MYH3: variants seen among roughly 807,000 people sequenced by gnomAD.
The protein encoded by MYH3 is myosin heavy chain 3.
In MYH3, 130 loss-of-function variants were observed where a neutral mutation model predicts 238.0. The ratio of observed to expected loss-of-function variants is 0.55; its 90% confidence interval spans 0.47 to 0.63. The LOEUF (loss-of-function observed/expected upper bound fraction) is 0.63, where lower values mean the gene tolerates loss of function less well. MYH3 is among the 30% of genes least tolerant of loss of function. MYH3 has a pLI of 0.00. For missense variants in MYH3, 1,853 were observed against 2,374.9 expected (o/e 0.78, Z 4.57); for synonymous variants, 880 against 924.1 (o/e 0.95, Z 0.86).
chr17:10,651,729 G>A (rs1597492901), intron 4 of MYH3, 61 bp from the exon 5 acceptor site: 1 of 1,559,700 alleles, frequency 6.4e-7, no homozygotes, highest in East Asian at 2.2e-5. Flanking sequence ...AAAACCCCTT[G>A]CCTTTATTAT....
chr17:10,652,397 C>A, intron 4 of MYH3, 23 bp downstream of exon 4: 1 of 1,613,380 alleles, frequency 6.2e-7, no homozygotes, highest in South Asian at 1.1e-5. Flanking sequence ...CCCAGGGAAA[C>A]CACGTCGAAA....
At chr17:10,632,377 C>T (rs1412322670) in intron 34 of MYH3, 99 bp downstream of exon 34, 2 of 1,388,460 alleles carry the variant, frequency 1.4e-6, no homozygotes, top group Non-Finnish European at 2.0e-6. Flanking sequence ...CCTCAGTCTC[C>T]CAGAGCGCTG....
the MYH3 span, among the ~76,000 whole-genome samples, chr17:10,664,063 A>T: frequency 5.7e-5 from 2 of 34,818 alleles, no homozygotes; most frequent in Non-Finnish European, 9.0e-5. Context: ...ACTCCGTCTT[A>T]AAAAAAAAAA....
Position 10,641,628 on chromosome 17 carries a change from C to G in MYH3, c.1960-256G>C, listed in dbSNP as rs974893882. Reference sequence around the variant, plus strand: ...CTCCTAGGTTCAAGCAATTCTCCTGCCTCAGCCTCCTGAGTAGCTGGGACT... The same window carrying G: ...CTCCTAGGTTCAAGCAATTCTCCTGGCTCAGCCTCCTGAGTAGCTGGGACT... On this transcript the variant is annotated intron_variant, in intron 17 of 40. Coordinates refer to ENST00000583535, the MANE Select transcript of MYH3 (RefSeq NM_002470.4). Among the ~76,000 whole-genome samples, 7 of 151,714 alleles carry G rather than the reference C, an allele frequency of 4.6e-5. No individual in the cohort carries two copies. In the South Asian group the frequency reaches 1.5e-3, roughly 32 times the overall value.
At chr17:10,650,608 G>T (rs1389784598) in intron 5 of MYH3, among the ~76,000 whole-genome samples, 1 of 152,044 alleles carries the variant, frequency 6.6e-6, no homozygotes, top group South Asian at 2.1e-4. Context: ...GTATATATTT[G>T]TAGGGTACAA....
At position 10,641,282 on chromosome 17, in the gene MYH3, C is replaced by T. The variant is rs1433426333; in HGVS notation, c.2047+3G>A. 6.2e-7 allele frequency: 1 copy of T among 1,611,762 alleles called. No homozygotes were observed. The highest frequency in any genetic ancestry group is 8.5e-7 in the Non-Finnish European group (1 of 1,177,998). ...CCACCTAGCGAGCCAGCAGGTGTCT[C>T]ACCTGGAGTTTTGGTTTCATTGGGA... On this transcript the variant is annotated splice_donor_region_variant and intron_variant, in intron 18 of 40. Transcript: ENST00000583535.
the MYH3 span, among the ~76,000 whole-genome samples, chr17:10,669,566 CAA>C: frequency 5.5e-4 from 53 of 96,400 alleles, no homozygotes; most frequent in South Asian, 1.3e-3. Flanking sequence ...GAGTCCATCT[CAA>C]AAAAAAAAAA....
chr17:10,670,984 G>T, the MYH3 span, among the ~76,000 whole-genome samples: 1 of 152,094 alleles, frequency 6.6e-6, no homozygotes, highest in Non-Finnish European at 1.5e-5. This position sits in a 1 kb window ranked among gnomAD's most constrained non-coding sequence, Gnocchi z 7.0. Context: ...CCAGCCCCTG[G>T]ATTCAAGTGA....
Position 10,628,633 on chromosome 17 carries a change from C to A in MYH3, c.*20G>T. On this transcript the variant is annotated 3_prime_UTR_variant, in exon 41 of 41. Transcript: ENST00000583535. ...AATATACATTTTGCATATCTTCTGT[C>A]CTGCTCCAGAAGGGCTGGCTCACTC... 8.7e-6 allele frequency: 14 copies of A among 1,613,752 alleles called. No homozygotes were observed. The highest frequency in any genetic ancestry group is 1.2e-5 in the Non-Finnish European group (14 of 1,179,634).
the MYH3 span, among the ~76,000 whole-genome samples, chr17:10,672,274 G>C: frequency 1.5e-4 from 23 of 152,102 alleles, no homozygotes; most frequent in African/African-American, 5.5e-4. Context: ...TACATAATAT[G>C]GATCTATTCC....
In MYH3 at chr17:10,643,239, T is replaced by A. The variant is rs766982866; in HGVS notation, c.1411-243A>T. On this transcript the variant is annotated intron_variant, in intron 14 of 40. Coordinates refer to ENST00000583535, the MANE Select transcript of MYH3 (RefSeq NM_002470.4). ...GTCTGGGCATCTCTTGTGTACTTTA[T>A]TTTGTAGTTACTCTTCAATGTGCCA... Among the ~76,000 whole-genome samples, 17 of 152,230 alleles carry A rather than the reference T, an allele frequency of 1.1e-4. No homozygotes were observed. Among genetic ancestry groups the A allele is most frequent in the Non-Finnish European group, 1.9e-4 (13 of 68,032 alleles).
At position 10,640,195 on chromosome 17, in the gene MYH3, C is replaced by T; in HGVS notation, c.2483G>A (p.Trp828Ter). 6.2e-7 allele frequency: 1 copy of T among 1,614,180 alleles called. No individual in the cohort carries two copies. Among genetic ancestry groups the T allele is most frequent in the South Asian group, 1.1e-5 (1 of 91,088 alleles). The change falls in exon 22 of 41, where the codon TGG becomes TAG. Residue 828 changes from tryptophan to a stop codon, truncating the protein, a stop_gained. Coordinates refer to ENST00000583535, the MANE Select transcript of MYH3 (RefSeq NM_002470.4). LOFTEE classifies it high-confidence loss of function. The part of the protein sequence containing the change: ...NIRSFMNVKH[W>*]PWMKLFFKIK... ...CTTGAAGAAGAGTTTCATCCAGGGC[C>T]AGTGCTTGACGTTCATGAATGAGCG...
intron 24 of MYH3, 42 bp from the exon 25 acceptor site, chr17:10,639,231 A>T (rs1484151207): frequency 6.2e-7 from 1 of 1,614,186 alleles, no homozygotes; most frequent in Non-Finnish European, 8.5e-7. Context: ...AATGCTTTGC[A>T]AGAGGACCCT....
chr17:10,649,322 T>C (rs576695443), intron 7 of MYH3, among the ~76,000 whole-genome samples: 4 of 152,244 alleles, frequency 2.6e-5, no homozygotes, highest in Non-Finnish European at 5.9e-5. Flanking sequence ...ACAAGCTCTC[T>C]GAGCCGTCTG....
At chr17:10,644,239 T>C in intron 14 of MYH3, 112 bp downstream of exon 14, 4 of 1,151,794 alleles carry the variant, frequency 3.5e-6, no homozygotes, top group Non-Finnish European at 5.2e-6. Context: ...CTCCATCTAG[T>C]TTCTTACAGG....
At chr17:10,669,804 C>T in the MYH3 span, among the ~76,000 whole-genome samples, 1 of 152,026 alleles carries the variant, frequency 6.6e-6, no homozygotes, top group East Asian at 1.9e-4. Context: ...CTAGCTACTC[C>T]AGACGCTGAG....
chr17:10,640,986 T>C, intron 19 of MYH3, 99 bp downstream of exon 19: 1 of 1,036,016 alleles, frequency 9.7e-7, no homozygotes, highest in East Asian at 2.4e-5. Flanking sequence ...CCATATCTGT[T>C]CTTTCGAAAT....
rs368297541 is a variant in MYH3, at chr17:10,634,876, G to A, written c.4320C>T (p.Ala1440=). 43 of 1,613,932 alleles carry A rather than the reference G, an allele frequency of 2.7e-5. 1 individual carries two copies. The highest frequency in any genetic ancestry group is 9.3e-5 in the African/African-American group (7 of 74,876). ...MVDVERANSL[A]AALDKKQRNF... ...TCCTCTGCTTCTTGTCCAGAGCGGC[G>A]GCCAAGGAATTGGCTCTTTCAACAT... Residue 1440 remains alanine, a synonymous_variant, in exon 31 of 41, where the codon GCC becomes GCT. Coordinates refer to ENST00000583535, the MANE Select transcript of MYH3 (RefSeq NM_002470.4).
chr17:10,632,161 A>C (rs1597481692), intron 34 of MYH3, 145 bp from the exon 35 acceptor site: 2 of 1,145,008 alleles, frequency 1.7e-6, no homozygotes, highest in Non-Finnish European at 2.5e-6. Context: ...TTGTTCTGTC[A>C]CCCAAGCTGG....
Sources: allele counts gnomAD v4.1 joint callset (sites outside exome capture counted in the v4.1 genomes callset), GRCh38; gene constraint gnomAD v4.1.1; non-coding constraint Gnocchi (gnomAD v3.1); transcripts MANE v1.5; gene names NCBI Gene and HGNC (gene_info 2026-07-23, HGNC 2026-07-21).